Variants in ZNRF1 observed in about 807,000 individuals in gnomAD.
ZNRF1 encodes the protein E3 ubiquitin-protein ligase ZNRF1.
A neutral mutation model predicts 18.4 loss-of-function variants in ZNRF1; 3 were observed. That is an observed-to-expected ratio of 0.16 (90% CI 0.07 to 0.42). ZNRF1 has a LOEUF of 0.42. ZNRF1 is among the 10% of genes least tolerant of loss of function. The pLI, the probability that ZNRF1 is intolerant of heterozygous loss-of-function variation, is 0.99. For missense variants in ZNRF1, 310 were observed against 329.8 expected (o/e 0.94, Z 0.47); for synonymous variants, 157 against 144.2 (o/e 1.09, Z -0.64).
chr16:75,068,586 CCCAGTGATCCTG>C (rs1478024650), intron 1 of ZNRF1, among the ~76,000 whole-genome samples: 4 of 152,110 alleles, frequency 2.6e-5, no homozygotes, highest in Non-Finnish European at 5.9e-5. Context: ...AAGCTACAGA[CCCAGTGATCCTG>C]CTATATAGCA....
At chr16:75,097,701 C>T (rs1300148985) in intron 2 of ZNRF1, among the ~76,000 whole-genome samples, 1 of 152,164 alleles carries the variant, frequency 6.6e-6, no homozygotes, top group Non-Finnish European at 1.5e-5. Flanking sequence ...CCTGTAGTTC[C>T]AACTTCTCAG....
At chr16:75,073,842 C>A (rs758136998) in intron 1 of ZNRF1, among the ~76,000 whole-genome samples, 2 of 152,032 alleles carry the variant, frequency 1.3e-5, no homozygotes, top group Non-Finnish European at 2.9e-5. Flanking sequence ...AGGAAATATA[C>A]CCAGAAATAG....
intron 1 of ZNRF1, among the ~76,000 whole-genome samples, chr16:75,028,727 A>G (rs149716976): frequency 0.015 from 2,330 of 152,354 alleles, 40 homozygotes; most frequent in Middle Eastern, 0.02. Flanking sequence ...AACAGCTCTT[A>G]TCAAGGTCAC....
In ZNRF1 at chr16:75,007,685, G is replaced by T. The variant is rs2034940205; in HGVS notation, c.424+7590G>T. Among the ~76,000 whole-genome samples, 3 of 152,158 alleles carry T rather than the reference G, an allele frequency of 2.0e-5. No homozygotes were observed. In the South Asian group the frequency reaches 6.2e-4, roughly 31 times the overall value. ...TGCAGATGACTGGACCCCACTCACA[G>T]AATTCAGTAGAGCTGGAGACCCAAG... On this transcript the variant is annotated intron_variant, in intron 1 of 4. Transcript: ENST00000335325.
At chr16:75,016,699 CTTTT>C (rs35899706) in intron 1 of ZNRF1, among the ~76,000 whole-genome samples, 1 of 99,512 alleles carries the variant, frequency 1.0e-5, no homozygotes, top group East Asian at 3.1e-4. Flanking sequence ...CCATGCCTGG[CTTTT>C]TTTTTTTTTT....
intron 1 of ZNRF1, among the ~76,000 whole-genome samples, chr16:75,065,797 C>T (rs2035796053): frequency 6.6e-6 from 1 of 152,196 alleles, no homozygotes; most frequent in East Asian, 1.9e-4. Context: ...GAAGTTTTAC[C>T]CTTTTCAGGG....
chr16:75,044,328 C>T (rs1027107704), intron 1 of ZNRF1, among the ~76,000 whole-genome samples: 2 of 151,974 alleles, frequency 1.3e-5, no homozygotes, highest in African/African-American at 4.8e-5. Context: ...AAGTGATCCT[C>T]CCACTTCAGC....
At chr16:75,002,975 CAG>C (rs767632151) in intron 1 of ZNRF1, among the ~76,000 whole-genome samples, 18 of 152,134 alleles carry the variant, frequency 1.2e-4, no homozygotes, top group Non-Finnish European at 2.1e-4. Flanking sequence ...TTTTTTGAGA[CAG>C]AGTTTCGCTC....
In ZNRF1 at chr16:75,110,404, G is replaced by C. The variant is rs1466870884; in HGVS notation, c.*2704G>C. ...CTCTGCTAAGGGCCTAGCACACTTT[G>C]ATGAGGTTCCTGGACGTGAGACCCT... On this transcript the variant is annotated 3_prime_UTR_variant, in exon 5 of 5. Coordinates refer to ENST00000335325, the MANE Select transcript of ZNRF1 (RefSeq NM_032268.5). 3 of 152,268 alleles carry C rather than the reference G, an allele frequency of 2.0e-5. No homozygotes were observed. Among genetic ancestry groups the C allele is most frequent in the Admixed American group, 6.5e-5 (1 of 15,288 alleles). 9.4% of individuals were successfully genotyped at this position (152,268 alleles called of 1,614,324 possible).
At chr16:75,008,062 A>G (rs2034945970) in intron 1 of ZNRF1, among the ~76,000 whole-genome samples, 1 of 151,552 alleles carries the variant, frequency 6.6e-6, no homozygotes, top group African/African-American at 2.4e-5. Context: ...TTTTTTCGGT[A>G]GAGAAGGGGT....
chr16:75,028,411 A>G (rs2035254338), intron 1 of ZNRF1, among the ~76,000 whole-genome samples: 1 of 152,168 alleles, frequency 6.6e-6, no homozygotes, highest in Admixed American at 6.5e-5. Context: ...CTCCTGCCTC[A>G]GCCTCCCAAG....
At chr16:75,044,249 A>G (rs1213947329) in intron 1 of ZNRF1, among the ~76,000 whole-genome samples, 1 of 152,018 alleles carries the variant, frequency 6.6e-6, no homozygotes, top group Non-Finnish European at 1.5e-5. Flanking sequence ...TTATTTTTTG[A>G]GACGGAGTCT....
At chr16:75,064,144 C>G (rs1476562732) in intron 1 of ZNRF1, among the ~76,000 whole-genome samples, 1 of 150,908 alleles carries the variant, frequency 6.6e-6, no homozygotes, top group South Asian at 2.1e-4. Flanking sequence ...ACCAAAAATA[C>G]AAAAAAAACA....
At chr16:75,102,681 C>G (rs1035584743) in intron 2 of ZNRF1, among the ~76,000 whole-genome samples, 2 of 152,182 alleles carry the variant, frequency 1.3e-5, no homozygotes, top group African/African-American at 4.8e-5. Context: ...CTCTTTATCC[C>G]ACATCCATGC....
rs79522614 is a variant in ZNRF1, at chr16:75,085,192, A to C, written c.425-8380A>C. 1.2e-4 allele frequency among the ~76,000 whole-genome samples: 19 copies of C among 152,298 alleles called. No homozygotes were observed. In the East Asian group the frequency reaches 3.7e-3, roughly 29 times the overall value. On this transcript the variant is annotated intron_variant, in intron 1 of 4. Coordinates refer to ENST00000335325, the MANE Select transcript of ZNRF1 (RefSeq NM_032268.5). ...GGTTCTCTCATTACCTTCTCAGTGAATCTCTGCCCCCACCCTAACCCCTGG... is the reference window on the plus strand; with the variant it reads ...GGTTCTCTCATTACCTTCTCAGTGACTCTCTGCCCCCACCCTAACCCCTGG...
At chr16:75,075,052 A>G (rs1358555030) in intron 1 of ZNRF1, among the ~76,000 whole-genome samples, 1 of 121,078 alleles carries the variant, frequency 8.3e-6, no homozygotes, top group Admixed American at 1.1e-4. Flanking sequence ...CCAGGTCACC[A>G]TGCTGTCTGC....
chr16:75,002,311 G>C (rs1567461751), intron 1 of ZNRF1: 1 of 152,216 alleles, frequency 6.6e-6, no homozygotes, highest in Admixed American at 6.5e-5. Context: ...CAGGACATCT[G>C]TTTCCTCTGT....
chr16:75,032,104 G>GTTTTTTTTTTT (rs1162819265), intron 1 of ZNRF1, among the ~76,000 whole-genome samples: 2 of 108,650 alleles, frequency 1.8e-5, no homozygotes, highest in African/African-American at 4.2e-5. Flanking sequence ...TTCTTGTGAG[G>GTTTTTTTTTTT]TTTTTTTTTT....
intron 1 of ZNRF1, among the ~76,000 whole-genome samples, chr16:75,037,537 C>G (rs1288652276): frequency 6.6e-6 from 1 of 152,036 alleles, no homozygotes; most frequent in Non-Finnish European, 1.5e-5. Context: ...CGGGGTTTCA[C>G]CATGTTGACC....
Sources: gnomAD v4.1 joint callset for allele counts (sites outside exome capture counted in the v4.1 genomes callset) on GRCh38, gnomAD v4.1.1 for gene constraint, MANE v1.5 for transcripts, NCBI Gene and HGNC (gene_info 2026-07-23, HGNC 2026-07-21) for gene names.